The following AKT2 variants were observed in gnomAD, a reference collection of about 807,000 sequenced individuals.
AKT2 encodes the protein AKT serine/threonine kinase 2.
AKT2 carries 16 observed loss-of-function variants against 58.6 expected under a neutral mutation model. That is an observed-to-expected ratio of 0.27 (90% CI 0.18 to 0.41). The LOEUF is 0.41. Ranked by LOEUF, AKT2 falls within the 10% of genes least tolerant of loss-of-function variation. The probability of loss-of-function intolerance (pLI) is 1.00; values close to 1 mark genes in which losing one functional copy is unlikely to be tolerated. For synonymous variants in AKT2, 253 were observed against 254.0 expected (o/e 1.00, Z 0.04); for missense variants, 438 against 661.0 (o/e 0.66, Z 3.70).
intron 4 of AKT2, among the ~76,000 whole-genome samples, chr19:40,247,621 T>G (rs953150573): frequency 6.6e-6 from 1 of 151,992 alleles, no homozygotes; most frequent in Non-Finnish European, 1.5e-5. Flanking sequence ...AGAACTCTCC[T>G]CGTAAGCCAT....
At chr19:40,276,046 G>T (rs1311911768) in intron 1 of AKT2, among the ~76,000 whole-genome samples, 1 of 151,164 alleles carries the variant, frequency 6.6e-6, no homozygotes, top group Non-Finnish European at 1.5e-5. Flanking sequence ...ATGGCTAGTA[G>T]CTACCATTCT....
chr19:40,270,400 ACAGAG>A (rs1976622058), intron 1 of AKT2: 1 of 148,864 alleles, frequency 6.7e-6, no homozygotes, highest in African/African-American at 2.6e-5. Flanking sequence ...ATGAACATGT[ACAGAG>A]TGAAGCCCTG....
Position 40,271,226 on chromosome 19 carries a change from T to TAC in AKT2, c.-84-5877_-84-5876dup, listed in dbSNP as rs1555777728. 2.3e-3 allele frequency among the ~76,000 whole-genome samples: 327 copies of TAC among 144,252 alleles called. 1 individual carries two copies. Among genetic ancestry groups the TAC allele is most frequent in the East Asian group, 4.8e-3 (24 of 4,976 alleles). 94.6% of individuals were successfully genotyped at this position (144,252 alleles called of 152,430 possible). Reference sequence around the variant, plus strand: ...ATACATACATACATATATATATATATACACACATATATATGTATATATACA... The same window carrying TAC: ...ATACATACATACATATATATATATATACACACACATATATATGTATATATACA... On this transcript the variant is annotated intron_variant, in intron 1 of 13. Transcript: ENST00000392038.
intron 1 of AKT2, among the ~76,000 whole-genome samples, chr19:40,273,886 G>A (rs968976778): frequency 1.3e-5 from 2 of 152,062 alleles, no homozygotes; most frequent in African/African-American, 2.4e-5. Flanking sequence ...CATGGATCAC[G>A]TCCAAGGCCC....
At position 40,237,681 on chromosome 19, in the gene AKT2, G is replaced by C. The variant is rs1049087581; in HGVS notation, c.831+288C>G. 4.7e-6 allele frequency: 2 copies of C among 421,532 alleles called. No homozygotes were observed. The highest frequency in any genetic ancestry group is 8.9e-6 in the Non-Finnish European group (2 of 225,710). The allele number at this position is 421,532 out of a possible 1,614,324, so 26.1% of individuals were successfully genotyped here. A position where few individuals can be genotyped will look rare whatever the true frequency, so the allele number is the denominator to read the frequency against. On this transcript the variant is annotated intron_variant, in intron 9 of 13. Coordinates refer to ENST00000392038, the MANE Select transcript of AKT2 (RefSeq NM_001626.6). This position sits in a 1 kb window ranked among gnomAD's most constrained non-coding sequence, Gnocchi z 4.5. ...AAATAAAGTAGGTATTGTGGCAGTT[G>C]ACACTCCGCTAGTGGCCTAGGAGCG...
At chr19:40,267,979 G>A (rs976967400) in intron 1 of AKT2, among the ~76,000 whole-genome samples, 7 of 152,168 alleles carry the variant, frequency 4.6e-5, no homozygotes, top group Admixed American at 1.3e-4. Flanking sequence ...ATTTCAGCAG[G>A]GGAACAGAAA....
At chr19:40,252,478 T>G (rs1299927849) in intron 4 of AKT2, among the ~76,000 whole-genome samples, 1 of 152,212 alleles carries the variant, frequency 6.6e-6, no homozygotes, top group Non-Finnish European at 1.5e-5. Context: ...CAGCTCCACC[T>G]TGTCAGTACC....
At chr19:40,251,928 A>G (rs1206799854) in intron 4 of AKT2, among the ~76,000 whole-genome samples, 2 of 152,260 alleles carry the variant, frequency 1.3e-5, no homozygotes, top group Admixed American at 6.5e-5. Flanking sequence ...GCGGGACTGC[A>G]GAGTCTAGGA....
At chr19:40,265,865 C>T (rs1976312810) in intron 1 of AKT2, 1 of 162,560 alleles carries the variant, frequency 6.2e-6, no homozygotes, top group East Asian at 1.7e-4. Context: ...ACCAACCTGC[C>T]ACCTTCAACA....
intron 1 of AKT2, among the ~76,000 whole-genome samples, chr19:40,280,503 G>A (rs529544166): frequency 6.6e-6 from 1 of 152,252 alleles, no homozygotes; most frequent in Admixed American, 6.5e-5. Flanking sequence ...CGGCTCCTGG[G>A]TCACCTGCTA....
At chr19:40,246,717 A>G (rs1974775928) in intron 4 of AKT2, among the ~76,000 whole-genome samples, 1 of 152,226 alleles carries the variant, frequency 6.6e-6, no homozygotes, top group African/African-American at 2.4e-5. Context: ...ACCCAAATAC[A>G]TGAAGGATGG....
intron 6 of AKT2, chr19:40,240,350 C>A (rs562894145): frequency 1.4e-5 from 10 of 702,762 alleles, no homozygotes; most frequent in African/African-American, 1.0e-4. Flanking sequence ...AATGTAAGGA[C>A]CAGGCTGCTA....
intron 1 of AKT2, chr19:40,279,129 C>T (rs971608105): frequency 1.8e-4 from 27 of 152,290 alleles, no homozygotes; most frequent in African/African-American, 6.0e-4. Flanking sequence ...CATCTGCGAA[C>T]GAGCTTCTCC....
At chr19:40,250,690 T>C (rs1416964268) in intron 4 of AKT2, among the ~76,000 whole-genome samples, 2 of 151,784 alleles carry the variant, frequency 1.3e-5, no homozygotes, top group Non-Finnish European at 2.9e-5. Context: ...TAGCCTGGTG[T>C]GGTGGCAGGC....
Position 40,282,309 on chromosome 19 carries a change from A to T in AKT2, c.-85+2872T>A, listed in dbSNP as rs1568579320. ...GTGGACGTCCTTCTGAGACCACTGT[A>T]TGGGAGTGAACAGTGTGGTCCAAGG... On this transcript the variant is annotated intron_variant, in intron 1 of 13. Coordinates refer to ENST00000392038, the MANE Select transcript of AKT2 (RefSeq NM_001626.6). The T allele has an allele frequency of 2.2e-5, 8 of 361,056 alleles. No homozygotes were observed. In the East Asian group the frequency reaches 3.7e-4, roughly 17 times the overall value. 22.4% of individuals were successfully genotyped at this position (361,056 alleles called of 1,614,324 possible). A position where few individuals can be genotyped will look rare whatever the true frequency, so the allele number is the denominator to read the frequency against.
At chr19:40,241,783 T>C in intron 6 of AKT2, 155 bp downstream of exon 6, 2 of 1,165,192 alleles carry the variant, frequency 1.7e-6, no homozygotes, top group Non-Finnish European at 2.4e-6. Flanking sequence ...TGCTCCTCTC[T>C]GGGCCTCAGG....
chr19:40,254,838 G>GAA (rs796627417), intron 4 of AKT2, among the ~76,000 whole-genome samples: 11 of 142,640 alleles, frequency 7.7e-5, no homozygotes, highest in Non-Finnish European at 1.2e-4. Flanking sequence ...CTCCATTTCA[G>GAA]AAAAAAAAAA....
intron 4 of AKT2, among the ~76,000 whole-genome samples, chr19:40,252,343 A>G (rs1452981728): frequency 1.3e-5 from 2 of 152,210 alleles, no homozygotes; most frequent in African/African-American, 4.8e-5. Context: ...TGGCAACAGC[A>G]GCAGGTACCA....
intron 2 of AKT2, among the ~76,000 whole-genome samples, chr19:40,259,652 A>C (rs550503142): frequency 6.6e-6 from 1 of 152,360 alleles, no homozygotes; most frequent in South Asian, 2.1e-4. Context: ...TAACCTACAG[A>C]ATGGGTGGAA....
Sources: allele counts gnomAD v4.1 joint callset (sites outside exome capture counted in the v4.1 genomes callset), GRCh38; gene constraint gnomAD v4.1.1; non-coding constraint Gnocchi (gnomAD v3.1); transcripts MANE v1.5; gene names NCBI Gene and HGNC (gene_info 2026-07-23, HGNC 2026-07-21).